CPT1B: variants seen among roughly 807,000 people sequenced by gnomAD.
CPT1B encodes carnitine palmitoyltransferase 1B.
A neutral mutation model predicts 92.7 loss-of-function variants in CPT1B; 57 were observed. That is an observed-to-expected ratio of 0.62 (90% CI 0.50 to 0.77). The LOEUF is 0.77. Ranked by LOEUF, CPT1B falls within the 30% of genes least tolerant of loss-of-function variation. CPT1B has a pLI of 0.00. For synonymous variants in CPT1B, 398 were observed against 383.5 expected, an observed-to-expected ratio of 1.04 and a Z score of -0.44; for missense variants, 983 against 1,017.4, an observed-to-expected ratio of 0.97 and a Z score of 0.46.
In CPT1B at chr22:50,573,880, G is replaced by A. The variant is rs1363454610; in HGVS notation, c.971-165C>T. Reference sequence around the variant, plus strand: ...ATCCGTGTGTCCTAAACCAGGCCCTGTGCTGGGTGCTTCCACTCTCTCTCA... The same window carrying A: ...ATCCGTGTGTCCTAAACCAGGCCCTATGCTGGGTGCTTCCACTCTCTCTCA... On this transcript the variant is annotated intron_variant, in intron 9 of 19. Transcript: ENST00000312108. This position sits in a 1 kb window ranked among gnomAD's most constrained non-coding sequence, Gnocchi z 5.0. 2.8e-6 allele frequency: 2 copies of A among 725,732 alleles called. No homozygotes were observed. Among genetic ancestry groups the A allele is most frequent in the East Asian group, 2.7e-5 (1 of 37,270 alleles). 45.0% of individuals were successfully genotyped at this position (725,732 alleles called of 1,614,324 possible).
Position 50,574,327 on chromosome 22 carries a change from T to A in CPT1B, c.970+8A>T. The A allele has an allele frequency of 6.2e-7, 1 of 1,608,520 alleles. No homozygotes were observed. Among genetic ancestry groups the A allele is most frequent in the Middle Eastern group, 1.7e-4 (1 of 6,022 alleles). ...GGCCCACAGGTAGCAGCGAGGGGGC[T>A]CAGTTACCTGTGTCCTTGCCCGGGA... On this transcript the variant is annotated splice_region_variant and intron_variant, in intron 9 of 19. Coordinates refer to ENST00000312108, the MANE Select transcript of CPT1B (RefSeq NM_152246.3).
intron 3 of CPT1B, 48 bp downstream of exon 3, chr22:50,577,276 C>T (rs1278687691): frequency 6.2e-7 from 1 of 1,606,912 alleles, no homozygotes; most frequent in African/African-American, 1.3e-5. Flanking sequence ...GGGAGCTGGG[C>T]CCAGCCCTCC....
intron 7 of CPT1B, 184 bp from the exon 8 acceptor site, chr22:50,574,784 C>A: frequency 1.7e-6 from 1 of 591,724 alleles, no homozygotes; most frequent in Non-Finnish European, 3.0e-6. Flanking sequence ...CCCTCTGCTC[C>A]AGCTTCAGCC....
chr22:50,573,427 C>T lies in CPT1B; in HGVS notation c.1166+93G>A. 1.7e-6 allele frequency: 2 copies of T among 1,166,386 alleles called. No homozygotes were observed. Among genetic ancestry groups the T allele is most frequent in the Non-Finnish European group, 2.4e-6 (2 of 828,840 alleles). The allele number at this position is 1,166,386 out of a possible 1,614,324, so 72.3% of individuals were successfully genotyped here. On this transcript the variant is annotated intron_variant, in intron 10 of 19. Coordinates refer to ENST00000312108, the MANE Select transcript of CPT1B (RefSeq NM_152246.3). This position sits in a 1 kb window ranked among gnomAD's most constrained non-coding sequence, Gnocchi z 5.0. ...GCCCCTCCCCTAGTTGTGCCTCCAG[C>T]CTCCAGTTCCAGGGTGGCAGGCAGG...
rs542380962 is a variant in CPT1B, at chr22:50,571,499, G to A, written c.1616C>T (p.Ala539Val). ...GTACAACTCCACGTCGTCTGCCAAC[G>A]CCTTGGCCACCTGGTAGGAACTCTC... is the stretch of plus-strand genomic sequence containing the variant. ...VIESSYQVAK[A>V]LADDVELYCF... Residue 539 changes from alanine to valine, a missense_variant, in exon 14 of 20, where the codon GCG (alanine) becomes GTG (valine). Physicochemically the swap from Ala to Val is moderately conservative, Grantham distance 64. Transcript: ENST00000312108. The A allele has an allele frequency of 2.2e-5, 36 of 1,613,466 alleles. No individual in the cohort carries two copies. The Admixed American group carries it at 4.5e-4, about 20-fold the overall frequency.
chr22:50,570,999 G>T lies in CPT1B; in HGVS notation c.1920C>A (p.His640Gln), dbSNP rs1158020407. Residue 640 changes from histidine to glutamine, a missense_variant, in exon 16 of 20, where the codon CAC becomes CAA. Transcript: ENST00000312108. ...TCATGGCCAGGCGGTACATATTCTG[G>T]TGCTTCTTAGCAGCCTTCTGGAAGA... ...RDLFQKAAKKHQNMYRLAMTG... is the reference protein window; with the variant it reads ...RDLFQKAAKKQQNMYRLAMTG... 1.2e-6 allele frequency: 2 copies of T among 1,613,958 alleles called. No homozygotes were observed. Among genetic ancestry groups the T allele is most frequent in the Non-Finnish European group, 1.7e-6 (2 of 1,180,032 alleles).
Position 50,576,955 on chromosome 22 carries a change from T to C in CPT1B, c.361A>G (p.Ile121Val), listed in dbSNP as rs773781791. The C allele has an allele frequency of 1.7e-5, 27 of 1,613,946 alleles. No individual in the cohort carries two copies. The Admixed American group carries it at 2.8e-4, about 17-fold the overall frequency. Residue 121 changes from isoleucine (I) to valine (V), a missense_variant, in exon 4 of 20, where the codon ATC becomes GTC. Transcript: ENST00000312108. ...TTCAGGGTTTGGCGGAAGAAGAAGA[T>C]GCCCGTCACCCAGACGCCCGTGGAG... The part of the protein sequence containing the change: ...IFSTGVWVTG[I>V]FFFRQTLKLL...
intron 5 of CPT1B, 23 bp from the exon 6 acceptor site, chr22:50,576,358 C>T (rs201290323): frequency 1.3e-5 from 21 of 1,613,766 alleles, no homozygotes; most frequent in Middle Eastern, 1.7e-4. Flanking sequence ...TTATCATCAC[C>T]GTGGGGCCAG....
Position 50,571,397 on chromosome 22 carries a change from G to A in CPT1B, c.1718C>T (p.Ala573Val), listed in dbSNP as rs148842805. 30 of 1,613,874 alleles carry A rather than the reference G, an allele frequency of 1.9e-5. No individual in the cohort carries two copies. The highest frequency in any genetic ancestry group is 1.1e-4 in the African/African-American group (8 of 75,064). The stretch of plus-strand genomic sequence containing the variant: ...TACCCGGAAGTGAGCCAGCTGCAGC[G>A]CGATCTGCACAAAGGCATCAGGGCT... ...RTSPDAFVQIALQLAHFRDRG... is the reference protein window; with the variant it reads ...RTSPDAFVQIVLQLAHFRDRG... Residue 573 changes from alanine (A) to valine (V), a missense_variant, in exon 14 of 20, where the codon GCG becomes GTG. Transcript: ENST00000312108.
At chr22:50,569,755 A>G (rs1199736831) in intron 17 of CPT1B, 87 bp from the exon 18 acceptor site, 2 of 1,195,136 alleles carry the variant, frequency 1.7e-6, no homozygotes, top group Non-Finnish European at 2.5e-6. Flanking sequence ...TTCTTCCCAC[A>G]AGAGTTGCAG....
Position 50,577,930 on chromosome 22 carries a change from G to C in CPT1B, c.-15C>G. The C allele has an allele frequency of 5.0e-6, 8 of 1,603,978 alleles. No homozygotes were observed. The highest frequency in any genetic ancestry group is 6.8e-6 in the Non-Finnish European group (8 of 1,173,556). On this transcript the variant is annotated 5_prime_UTR_variant, in exon 2 of 20. Transcript: ENST00000312108. ...GCTTCCGCCATCCTGGGGGTTGGTC[G>C]GCACCTAGGACGGGGGCAGATGGGT... is the stretch of plus-strand genomic sequence containing the variant.
chr22:50,574,319 G>A lies in CPT1B; in HGVS notation c.970+16C>T, dbSNP rs750327131. The A allele has an allele frequency of 4.0e-5, 64 of 1,603,164 alleles. No individual in the cohort carries two copies. The highest frequency in any genetic ancestry group is 5.1e-5 in the Non-Finnish European group (60 of 1,173,970). On this transcript the variant is annotated intron_variant, in intron 9 of 19. Transcript: ENST00000312108. ...AGCCAGATGGCCCACAGGTAGCAGC[G>A]AGGGGGCTCAGTTACCTGTGTCCTT...
In CPT1B at chr22:50,576,848, G is replaced by A. The variant is rs375084023; in HGVS notation, c.459+9C>T. 5.0e-6 allele frequency: 8 copies of A among 1,613,638 alleles called. No homozygotes were observed. The highest frequency in any genetic ancestry group is 6.8e-6 in the Non-Finnish European group (8 of 1,179,948). On this transcript the variant is annotated intron_variant, in intron 4 of 19. Transcript: ENST00000312108. ...AGGTGCCTGAACCCCTCCACTGGCT[G>A]CTGCTCACAGCCCAGATCCTGGTCA... is the stretch of plus-strand genomic sequence containing the variant.
Position 50,569,573 on chromosome 22 carries a change from C to G in CPT1B, c.2235+3G>C, listed in dbSNP as rs1372962951. On this transcript the variant is annotated splice_donor_region_variant and intron_variant, in intron 18 of 19. Coordinates refer to ENST00000312108, the MANE Select transcript of CPT1B (RefSeq NM_152246.3). ...CAGGCCTGAGCTGTGGCAGGAGACT[C>G]ACCGTCTCTGAGCTTGAGAACTTGC... The G allele has an allele frequency of 4.3e-6, 7 of 1,613,614 alleles. No individual in the cohort carries two copies. Among genetic ancestry groups the G allele is most frequent in the Non-Finnish European group, 5.9e-6 (7 of 1,179,656 alleles).
chr22:50,575,890 C>T (rs1026261173), intron 7 of CPT1B, 145 bp downstream of exon 7: 28 of 721,948 alleles, frequency 3.9e-5, no homozygotes, highest in Admixed American at 7.0e-5. Context: ...TCCTCTCTCT[C>T]TTCCCTTTCC....
rs537796845 is a variant in CPT1B at position 50,576,442 on chromosome 22, C to T, written c.561+94G>A. ...CACCCAGCCCCATTATTCTCAAGCC[C>T]TTAAGGCCACTCTTTGCACAGAACC... On this transcript the variant is annotated intron_variant, in intron 5 of 19. Coordinates refer to ENST00000312108, the MANE Select transcript of CPT1B (RefSeq NM_152246.3). The T allele has an allele frequency of 3.1e-6, 5 of 1,602,810 alleles. No homozygotes were observed. The East Asian group carries it at 8.9e-5, about 29-fold the overall frequency.
chr22:50,574,921 G>GCCT (rs1307222327), intron 7 of CPT1B: 1 of 279,990 alleles, frequency 3.6e-6, no homozygotes, highest in Non-Finnish European at 6.8e-6. Flanking sequence ...TCCTGCTGCA[G>GCCT]CCTCCTGAGT....
Position 50,570,475 on chromosome 22 carries a change from G to A in CPT1B, c.2029-69C>T, listed in dbSNP as rs141511126. On this transcript the variant is annotated intron_variant, in intron 16 of 19. Transcript: ENST00000312108. ...CACCTGTCCAACACGTGGTGTCTGC[G>A]ACCTACTCTGAGCCAGACACGGTTC... is the stretch of plus-strand genomic sequence containing the variant. 2.3e-4 allele frequency: 281 copies of A among 1,237,250 alleles called. 1 individual carries two copies. In the African/African-American group the frequency reaches 3.1e-3, roughly 14 times the overall value. The allele number at this position is 1,237,250 out of a possible 1,614,324, so 76.6% of individuals were successfully genotyped here.
Position 50,570,407 on chromosome 22 carries a change from C to A in CPT1B, c.2029-1G>T. 2 of 1,590,260 alleles carry A rather than the reference C, an allele frequency of 1.3e-6. No individual in the cohort carries two copies. Among genetic ancestry groups the A allele is most frequent in the Non-Finnish European group, 1.7e-6 (2 of 1,167,308 alleles). ...AGAGACGCCAGGGTTCCGAGAGCAC[C>A]TGCAATGGAGGCCACAGCTGGTCAG... On this transcript the variant is annotated splice_acceptor_variant, in intron 16 of 19. Coordinates refer to ENST00000312108, the MANE Select transcript of CPT1B (RefSeq NM_152246.3). LOFTEE classifies it high-confidence loss of function.
Sources: allele counts gnomAD v4.1 joint callset, GRCh38; gene constraint gnomAD v4.1.1; non-coding constraint Gnocchi (gnomAD v3.1); transcripts MANE v1.5; gene names NCBI Gene and HGNC (gene_info 2026-07-23, HGNC 2026-07-21).